The following CNMD variants were observed in gnomAD, a reference collection of about 807,000 sequenced individuals.
CNMD encodes chondromodulin.
A neutral mutation model predicts 37.5 loss-of-function variants in CNMD; 30 were observed. The ratio of observed to expected loss-of-function variants is 0.80; its 90% CI spans 0.60 to 1.09. The LOEUF is 1.09. CNMD is among the 50% of genes least tolerant of loss of function. CNMD has a pLI of 0.00. For missense variants in CNMD, 398 were observed against 423.9 expected, an observed-to-expected ratio of 0.94 and a Z score of 0.54; for synonymous variants, 167 against 148.2, an observed-to-expected ratio of 1.13 and a Z score of -0.92.
intron 3 of CNMD, among the ~76,000 whole-genome samples, chr13:52,729,789 C>A (rs966964735): frequency 7.9e-5 from 12 of 152,092 alleles, no homozygotes; most frequent in African/African-American, 2.4e-5. Context: ...AGTGAACCCC[C>A]ATATGCCCAT....
Position 52,724,048 on chromosome 13 carries a change from A to G in CNMD, c.417T>C (p.Ala139=). 6.2e-7 allele frequency: 1 copy of G among 1,614,130 alleles called. No homozygotes were observed. Among genetic ancestry groups the G allele is most frequent in the Non-Finnish European group, 8.5e-7 (1 of 1,180,010 alleles). ...EKCYIKAQVK[A]RIPEVGAVTK... is the part of the protein sequence containing the mutation. ...TCACGGCGCCCACCTCAGGAATACG[A>G]GCCTTCACTTGCGCTTTAATGTAGC... The change falls in exon 4 of 7, where the codon GCT becomes GCC. Residue 139 remains alanine, a synonymous_variant. Coordinates refer to ENST00000377962, the MANE Select transcript of CNMD (RefSeq NM_007015.3).
At chr13:52,724,252 C>T in intron 3 of CNMD, 142 bp from the exon 4 acceptor site, 3 of 661,904 alleles carry the variant, frequency 4.5e-6, no homozygotes. Flanking sequence ...ATGGAACTTA[C>T]CTTTTAGCAT....
At chr13:52,719,023 C>A (rs898612135) in intron 4 of CNMD, among the ~76,000 whole-genome samples, 1 of 152,112 alleles carries the variant, frequency 6.6e-6, no homozygotes, top group Non-Finnish European at 1.5e-5. Context: ...ATATTGGGTG[C>A]ATATATATTT....
intron 5 of CNMD, among the ~76,000 whole-genome samples, chr13:52,708,956 C>T (rs953249203): frequency 6.6e-6 from 1 of 152,092 alleles, no homozygotes; most frequent in African/African-American, 2.4e-5. Context: ...CCTGACAAAC[C>T]TCAAGACCAC....
chr13:52,708,366 A>G (rs2138219965), intron 6 of CNMD, among the ~76,000 whole-genome samples, 170 bp downstream of exon 6: 1 of 152,180 alleles, frequency 6.6e-6, no homozygotes, highest in Middle Eastern at 3.4e-3. Context: ...TATCTTTAGT[A>G]GAGACAGGGT....
At chr13:52,720,679 T>C (rs1035961386) in intron 4 of CNMD, among the ~76,000 whole-genome samples, 6 of 152,150 alleles carry the variant, frequency 3.9e-5, no homozygotes, top group Admixed American at 3.3e-4. Context: ...TCTGGAAGCT[T>C]TGTCCCAGAG....
In CNMD at chr13:52,703,522, A is replaced by G. The variant is rs566918510; in HGVS notation, c.*73T>C. ...ATATTTTGTGGTCCTATCAGCATCAACCTGCCTTAATGCTTCTTTGGTTGT... is the reference window on the plus strand; with the variant it reads ...ATATTTTGTGGTCCTATCAGCATCAGCCTGCCTTAATGCTTCTTTGGTTGT... On this transcript the variant is annotated 3_prime_UTR_variant, in exon 7 of 7. Transcript: ENST00000377962. 19 of 1,069,302 alleles carry G rather than the reference A, an allele frequency of 1.8e-5. No homozygotes were observed. The South Asian group carries it at 2.0e-4, about 11-fold the overall frequency. 66.2% of individuals were successfully genotyped at this position (1,069,302 alleles called of 1,614,324 possible). A position where few individuals can be genotyped will look rare whatever the true frequency, so the allele number is the denominator to read the frequency against.
intron 5 of CNMD, among the ~76,000 whole-genome samples, chr13:52,710,627 C>T (rs1964276225): frequency 6.6e-6 from 1 of 152,196 alleles, no homozygotes; most frequent in African/African-American, 2.4e-5. Flanking sequence ...ATCAGAGTTT[C>T]TTGATTGTAT....
At chr13:52,731,533 TA>T (rs1333681074) in intron 3 of CNMD, among the ~76,000 whole-genome samples, 2 of 152,232 alleles carry the variant, frequency 1.3e-5, no homozygotes, top group African/African-American at 4.8e-5. Flanking sequence ...ATGTGGAAGC[TA>T]TCAAAGAGAA....
chr13:52,731,986 G>A (rs554443889), intron 3 of CNMD, among the ~76,000 whole-genome samples: 1 of 152,340 alleles, frequency 6.6e-6, no homozygotes, highest in South Asian at 2.1e-4. Flanking sequence ...AGCAGCAGAG[G>A]CTGTCCCCAG....
In CNMD at chr13:52,708,618, G is replaced by A. The variant is rs1964237407; in HGVS notation, c.707C>T (p.Pro236Leu). Residue 236 changes from proline to leucine, a missense_variant, in exon 6 of 7, where the codon CCA (proline) becomes CTA (leucine). Coordinates refer to ENST00000377962, the MANE Select transcript of CNMD (RefSeq NM_007015.3). ...KRPHSGPRSN[P>L]GAGRLNNETR... ...TTCATTATTCAGTCTTCCAGCGCCT[G>A]GGTTGCTCCGTGGTCCACTGTGTGG... 3 of 1,613,900 alleles carry A rather than the reference G, an allele frequency of 1.9e-6. No homozygotes were observed. The highest frequency in any genetic ancestry group is 2.5e-6 in the Non-Finnish European group (3 of 1,179,856).
At chr13:52,724,207 G>C in intron 3 of CNMD, 97 bp from the exon 4 acceptor site, 2 of 857,350 alleles carry the variant, frequency 2.3e-6, no homozygotes, top group Non-Finnish European at 3.8e-6. Context: ...CGGGTGCTAG[G>C]GATAGGGATG....
intron 3 of CNMD, among the ~76,000 whole-genome samples, chr13:52,724,844 C>T (rs1964546821): frequency 6.6e-6 from 1 of 151,970 alleles, no homozygotes; most frequent in African/African-American, 2.4e-5. Flanking sequence ...TTGCAGACAG[C>T]CAAGATCGCC....
At chr13:52,706,388 G>A (rs1346522654) in intron 6 of CNMD, among the ~76,000 whole-genome samples, 1 of 152,122 alleles carries the variant, frequency 6.6e-6, no homozygotes, top group Non-Finnish European at 1.5e-5. Context: ...GTACAAAGAG[G>A]CACAATACTA....
At chr13:52,705,391 C>A (rs1300573048) in intron 6 of CNMD, among the ~76,000 whole-genome samples, 1 of 152,096 alleles carries the variant, frequency 6.6e-6, no homozygotes, top group Non-Finnish European at 1.5e-5. Flanking sequence ...CTGATACAAC[C>A]CATATTCAAG....
rs138871406 is a variant in CNMD at position 52,712,783 on chromosome 13, C to T, written c.555G>A (p.Leu185=). The T allele has an allele frequency of 3.7e-5, 59 of 1,595,528 alleles. No individual in the cohort carries two copies. In the African/African-American group the frequency reaches 4.7e-4, roughly 13 times the overall value. The change falls in exon 5 of 7, where the codon TTG becomes TTA. Residue 185 remains leucine (L), a synonymous_variant. Transcript: ENST00000377962. The part of the protein sequence containing the change: ...VDQPVKDNSF[L]SSKVLELCGD... ...CGCAGAGTTCTAACACCTTAGAACTCAAGAAGCTGTTGTCCTTCACAGGCT... is the reference window on the plus strand; with the variant it reads ...CGCAGAGTTCTAACACCTTAGAACTTAAGAAGCTGTTGTCCTTCACAGGCT...
chr13:52,711,485 ATTCT>A (rs1263304511), intron 5 of CNMD, among the ~76,000 whole-genome samples: 1 of 152,110 alleles, frequency 6.6e-6, no homozygotes, highest in Non-Finnish European at 1.5e-5. Context: ...TGAGTTTGGA[ATTCT>A]TTCTTACTGA....
intron 6 of CNMD, among the ~76,000 whole-genome samples, chr13:52,704,393 A>C (rs549437180): frequency 6.6e-6 from 1 of 152,320 alleles, no homozygotes. Context: ...AAGGGGTCTC[A>C]GGAAAAGACT....
intron 4 of CNMD, among the ~76,000 whole-genome samples, chr13:52,716,050 G>A (rs145011077): frequency 1.1e-3 from 169 of 152,250 alleles, no homozygotes; most frequent in African/African-American, 3.9e-3. Context: ...CATTCTAACC[G>A]GTATGAGATG....
Sources: gnomAD v4.1 joint callset for allele counts (sites outside exome capture counted in the v4.1 genomes callset) on GRCh38, gnomAD v4.1.1 for gene constraint, MANE v1.5 for transcripts, NCBI Gene and HGNC (gene_info 2026-07-23, HGNC 2026-07-21) for gene names.